The following NLRP9 variants were observed in gnomAD, a reference collection of about 807,000 sequenced individuals.
The protein encoded by NLRP9 is NLR family pyrin domain containing 9.
NLRP9 carries 88 observed loss-of-function variants against 83.1 expected under a neutral mutation model. The observed-to-expected ratio is 1.06, with a 90% CI of 0.89 to 1.26. The LOEUF (loss-of-function observed/expected upper bound fraction) is 1.26, where lower values mean the gene tolerates loss of function less well. Ranked by LOEUF, NLRP9 falls within the 50% of genes most tolerant of loss-of-function variation. The pLI, the probability that NLRP9 is intolerant of heterozygous loss-of-function variation, is 0.00. For synonymous variants in NLRP9, 521 were observed against 447.6 expected, an observed-to-expected ratio of 1.16 and a Z score of -2.07; for missense variants, 1,308 against 1,179.3, an observed-to-expected ratio of 1.11 and a Z score of -1.60.
chr19:55,734,522 C>T, intron 1 of NLRP9, among the ~76,000 whole-genome samples: 1 of 85,948 alleles, frequency 1.2e-5, no homozygotes, highest in East Asian at 2.8e-4. Context: ...TATATACACA[C>T]ACACATATAT....
chr19:55,709,344 C>T, intron 8 of NLRP9: 1 of 181,426 alleles, frequency 5.5e-6, no homozygotes, highest in South Asian at 1.6e-4. Flanking sequence ...TGTTCATATG[C>T]CCTGGCACAT....
rs1987567311 is a variant in NLRP9 at position 55,708,933 on chromosome 19, C to A, written c.2955G>T (p.Lys985Asn). 2 of 1,566,404 alleles carry A rather than the reference C, an allele frequency of 1.3e-6. No individual in the cohort carries two copies. The highest frequency in any genetic ancestry group is 4.9e-5 in the East Asian group (2 of 41,134). Residue 985 changes from lysine (K) to asparagine (N), a missense_variant, in exon 9 of 9, where the codon AAG (lysine) becomes AAT (asparagine). Lys to Asn is a moderately conservative substitution (Grantham distance 94). Transcript: ENST00000332836. ...CCCATCAGAGGAGCACACCCCTGAT[C>A]TTGTATTCCTCGTCAATCCAAGGTC... ...SHGPWIDEEY[K>N]IRGVLL
At chr19:55,734,635 ATAT>A (rs1185583105) in intron 1 of NLRP9, among the ~76,000 whole-genome samples, 1,527 of 120,024 alleles carry the variant, frequency 0.013, 20 homozygotes, top group African/African-American at 0.046. Context: ...ATATATATAT[ATAT>A]TTTTTTTTTT....
intron 6 of NLRP9, 99 bp from the exon 7 acceptor site, chr19:55,712,689 G>A: frequency 6.3e-6 from 5 of 794,028 alleles, no homozygotes; most frequent in South Asian, 1.6e-5. Context: ...AAATACCCAA[G>A]TAAATCTGAG....
At chr19:55,734,168 C>T (rs1199503435) in intron 1 of NLRP9, among the ~76,000 whole-genome samples, 1 of 151,500 alleles carries the variant, frequency 6.6e-6, no homozygotes, top group Non-Finnish European at 1.5e-5. Flanking sequence ...CATGATCCAC[C>T]CACCTTGGCC....
At chr19:55,729,505 GAT>G (rs1988507269) in intron 3 of NLRP9, among the ~76,000 whole-genome samples, 1 of 151,960 alleles carries the variant, frequency 6.6e-6, no homozygotes, top group South Asian at 2.1e-4. Context: ...TTGTCCTTGC[GAT>G]AGTTTGCTGA....
chr19:55,722,047 C>G (rs1399561298), intron 4 of NLRP9, among the ~76,000 whole-genome samples: 1 of 152,142 alleles, frequency 6.6e-6, no homozygotes, highest in Non-Finnish European at 1.5e-5. Flanking sequence ...CCCCACTCAA[C>G]TGTGATCATT....
intron 4 of NLRP9, among the ~76,000 whole-genome samples, chr19:55,718,585 A>G (rs550570503): frequency 8.5e-4 from 129 of 152,362 alleles, no homozygotes; most frequent in Non-Finnish European, 1.4e-3. Context: ...ATACGGGCAC[A>G]GTACCTTTCC....
At chr19:55,726,183 A>C (rs1201614678) in intron 3 of NLRP9, among the ~76,000 whole-genome samples, 1 of 152,194 alleles carries the variant, frequency 6.6e-6, no homozygotes, top group African/African-American at 2.4e-5. Context: ...AGCTGCAGTG[A>C]ATGCCAACCG....
chr19:55,724,652 T>C (rs1361376066), intron 3 of NLRP9, among the ~76,000 whole-genome samples: 1 of 152,140 alleles, frequency 6.6e-6, no homozygotes, highest in Non-Finnish European at 1.5e-5. Flanking sequence ...GCTCCAGAGT[T>C]ACAGGAAACT....
chr19:55,712,725 G>A (rs886444302), intron 6 of NLRP9, 135 bp from the exon 7 acceptor site: 3 of 676,130 alleles, frequency 4.4e-6, no homozygotes, highest in South Asian at 1.9e-5. Flanking sequence ...GGGAGGGGAA[G>A]GAGGAGAGAA....
intron 4 of NLRP9, among the ~76,000 whole-genome samples, chr19:55,717,578 C>G (rs1488584719): frequency 1.3e-5 from 2 of 152,216 alleles, no homozygotes; most frequent in Admixed American, 1.3e-4. Flanking sequence ...GTATCCAGAA[C>G]TCGATAAATC....
rs751124708 is a variant in NLRP9 at position 55,733,505 on chromosome 19, A to G, written c.326T>C (p.Leu109Pro). Reference sequence around the variant, plus strand: ...AAGACAGGTTTCCTTCTCCCATATGAGTTGAAATGTTTCCTTCATATGCTT... The same window carrying G: ...AAGACAGGTTTCCTTCTCCCATATGGGTTGAAATGTTTCCTTCATATGCTT... ...YRKHMKETFQ[L>P]IWEKETCLHV... The change falls in exon 2 of 9, where the codon CTC becomes CCC. Residue 109 changes from leucine to proline, a missense_variant. By Grantham distance (98) the Leu-to-Pro change is moderately conservative. Coordinates refer to ENST00000332836, the MANE Select transcript of NLRP9 (RefSeq NM_176820.4). 6 of 1,609,150 alleles carry G rather than the reference A, an allele frequency of 3.7e-6. No individual in the cohort carries two copies. Among genetic ancestry groups the G allele is most frequent in the Non-Finnish European group, 4.2e-6 (5 of 1,177,946 alleles).
intron 4 of NLRP9, among the ~76,000 whole-genome samples, chr19:55,722,054 C>A (rs1988243454): frequency 6.6e-6 from 1 of 151,892 alleles, no homozygotes; most frequent in Non-Finnish European, 1.5e-5. Context: ...CAACTGTGAT[C>A]ATTGAAAATG....
At chr19:55,727,810 C>T (rs1318510301) in intron 3 of NLRP9, among the ~76,000 whole-genome samples, 1 of 152,250 alleles carries the variant, frequency 6.6e-6, no homozygotes, top group East Asian at 1.9e-4. Context: ...GTTTAGTCAA[C>T]AGAGAAACAC....
intron 1 of NLRP9, chr19:55,737,734 TAAAAAAAAA>T (rs57736610): frequency 1.9e-4 from 15 of 80,250 alleles, no homozygotes; most frequent in South Asian, 3.9e-4. Flanking sequence ...ACCCTTTCTC[TAAAAAAAAA>T]AAAAAAAAAA....
Position 55,715,147 on chromosome 19 carries a change from G to A in NLRP9, c.2409C>T (p.Leu803=), listed in dbSNP as rs769819325. The change falls in exon 6 of 9, where the codon CTC becomes CTT. Residue 803 remains leucine, a synonymous_variant. Coordinates refer to ENST00000332836, the MANE Select transcript of NLRP9 (RefSeq NM_176820.4). ...CCAGGGCATTTGAGCCCAGATCGAG[G>A]AGGGACAGGGACTTACTGCACAAGA... ...EVLLCSKSLS[L]LDLGSNALED... 8.1e-6 allele frequency: 13 copies of A among 1,613,368 alleles called. 1 individual carries two copies. The Admixed American group carries it at 1.0e-4, about 12-fold the overall frequency.
At chr19:55,726,840 C>T (rs760395045) in intron 3 of NLRP9, among the ~76,000 whole-genome samples, 25 of 152,110 alleles carry the variant, frequency 1.6e-4, no homozygotes, top group Admixed American at 6.6e-4. Flanking sequence ...CATTCATATA[C>T]ACAACAGAAA....
Position 55,712,487 on chromosome 19 carries a change from C to A in NLRP9, c.2605G>T (p.Gly869Ter). 1.2e-6 allele frequency: 2 copies of A among 1,612,698 alleles called. No homozygotes were observed. Among genetic ancestry groups the A allele is most frequent in the South Asian group, 1.1e-5 (1 of 91,058 alleles). Residue 869 changes from glycine (G) to a stop codon, truncating the protein, a stop_gained, in exon 7 of 9, where the codon GGA becomes TGA. Transcript: ENST00000332836. LOFTEE classifies it high-confidence loss of function. ...KTLKLGHNEI[G>*]DTGVRQLCAA... ...CATAACTGTCTGACACCAGTGTCTC[C>A]TATTTCATTATGCCCAAGTTTCAGG...
Sources: allele counts gnomAD v4.1 joint callset (sites outside exome capture counted in the v4.1 genomes callset), GRCh38; gene constraint gnomAD v4.1.1; transcripts MANE v1.5; gene names NCBI Gene and HGNC (gene_info 2026-07-23, HGNC 2026-07-21).